DDX4: variants seen among roughly 807,000 people sequenced by gnomAD.
DDX4 encodes the protein DEAD-box helicase 4.
Under a neutral mutation model 100.0 loss-of-function variants are expected in DDX4, and 25 were observed. That is an observed-to-expected ratio of 0.25 (90% CI 0.18 to 0.35). The LOEUF is 0.35. Ranked by LOEUF, DDX4 falls within the 10% of genes least tolerant of loss-of-function variation. The probability of loss-of-function intolerance (pLI) is 1.00; values close to 1 mark genes in which losing one functional copy is unlikely to be tolerated. For missense variants in DDX4, 635 were observed against 882.4 expected (o/e 0.72, Z 3.55); for synonymous variants, 259 against 275.7 (o/e 0.94, Z 0.60).
intron 2 of DDX4, among the ~76,000 whole-genome samples, chr5:55,740,250 G>A (rs111944699): frequency 0.047 from 7,132 of 151,534 alleles, 351 homozygotes; most frequent in Admixed American, 0.15. Context: ...GCTCACTGCA[G>A]CCTCTGCCTT....
chr5:55,749,797 G>C (rs1363849873), intron 3 of DDX4, among the ~76,000 whole-genome samples: 5 of 143,790 alleles, frequency 3.5e-5, no homozygotes, highest in Non-Finnish European at 7.5e-5. Flanking sequence ...CAATTCTTTT[G>C]TATGTGTGTG....
chr5:55,741,323 C>T (rs951381734), intron 2 of DDX4, among the ~76,000 whole-genome samples: 1 of 152,142 alleles, frequency 6.6e-6, no homozygotes, highest in African/African-American at 2.4e-5. Context: ...GACCAGTCTA[C>T]CTTATGATGC....
intron 18 of DDX4, among the ~76,000 whole-genome samples, chr5:55,808,770 C>T (rs568148679): frequency 5.6e-4 from 86 of 152,314 alleles, no homozygotes; most frequent in Non-Finnish European, 1.0e-3. Flanking sequence ...GTCAGGGACC[C>T]GCTTGAGGAG....
chr5:55,783,754 A>C (rs1314680709), intron 10 of DDX4, among the ~76,000 whole-genome samples: 1 of 151,992 alleles, frequency 6.6e-6, no homozygotes, highest in Non-Finnish European at 1.5e-5. Context: ...GGAGCCTGAG[A>C]AAGTCCTATG....
chr5:55,742,130 G>A (rs970240640), intron 2 of DDX4: 10 of 455,904 alleles, frequency 2.2e-5, no homozygotes, highest in South Asian at 3.1e-5. Flanking sequence ...ATAGAACAGC[G>A]AAAGATGTGA....
chr5:55,772,537 T>A (rs950982647), intron 7 of DDX4, among the ~76,000 whole-genome samples: 3 of 152,146 alleles, frequency 2.0e-5, no homozygotes, highest in African/African-American at 7.2e-5. Context: ...AGTGCTATGG[T>A]TTGGATGTTT....
chr5:55,807,620 T>C (rs901379685), intron 18 of DDX4, among the ~76,000 whole-genome samples: 6 of 152,214 alleles, frequency 3.9e-5, no homozygotes, highest in Non-Finnish European at 7.3e-5. Context: ...GGGTTGCAGA[T>C]TCTTTTCTTT....
chr5:55,759,726 T>C (rs917337171), intron 3 of DDX4, among the ~76,000 whole-genome samples: 1 of 152,218 alleles, frequency 6.6e-6, no homozygotes, highest in Non-Finnish European at 1.5e-5. Context: ...CATGTGATTA[T>C]ATCCAGAGGA....
intron 18 of DDX4, among the ~76,000 whole-genome samples, chr5:55,811,104 T>A (rs1744104121): frequency 6.6e-6 from 1 of 151,930 alleles, no homozygotes; most frequent in Non-Finnish European, 1.5e-5. Flanking sequence ...AAAGAATAAC[T>A]TTTTATCCAG....
intron 7 of DDX4, chr5:55,773,178 G>A (rs530870864): frequency 1.3e-5 from 2 of 152,624 alleles, no homozygotes; most frequent in South Asian, 4.0e-4. Context: ...TTCTCTCTGT[G>A]TCCTCACATG....
chr5:55,789,962 A>T (rs1408301475), intron 15 of DDX4, among the ~76,000 whole-genome samples: 5 of 152,052 alleles, frequency 3.3e-5, no homozygotes, highest in African/African-American at 1.2e-4. Flanking sequence ...AAACATGTGG[A>T]TTGCTTATTT....
chr5:55,774,420 C>G (rs550992251), intron 7 of DDX4, among the ~76,000 whole-genome samples: 13 of 152,232 alleles, frequency 8.5e-5, no homozygotes, highest in African/African-American at 3.1e-4. Context: ...CCAAAGTGCT[C>G]GGATTACAGG....
At chr5:55,742,208 G>A (rs926228144) in intron 2 of DDX4, 7 of 456,278 alleles carry the variant, frequency 1.5e-5, no homozygotes, top group African/African-American at 2.0e-5. Flanking sequence ...GCATTTGCAC[G>A]TTGCCTGCAG....
intron 7 of DDX4, 53 bp downstream of exon 7, chr5:55,767,993 G>A (rs114582735): frequency 0.021 from 32,050 of 1,495,830 alleles, 490 homozygotes; most frequent in South Asian, 0.054. Context: ...CACTAAACTG[G>A]TAAAACTGAT....
In DDX4 at chr5:55,762,968, G is replaced by A. The variant is rs141826358; in HGVS notation, c.206-207G>A. ...AACTAGTAGAAAGCTGTGTTTCACCGGTAGTAGATTTGTTTTTACCTTGGT... is the reference window on the plus strand; with the variant it reads ...AACTAGTAGAAAGCTGTGTTTCACCAGTAGTAGATTTGTTTTTACCTTGGT... On this transcript the variant is annotated intron_variant, in intron 4 of 21. Coordinates refer to ENST00000505374, the MANE Select transcript of DDX4 (RefSeq NM_024415.3). Among the ~76,000 whole-genome samples the A allele has an allele frequency of 1.9e-3, 287 of 152,044 alleles. 1 individual carries two copies. The highest frequency in any genetic ancestry group is 0.01 in the Middle Eastern group (3 of 292).
intron 18 of DDX4, among the ~76,000 whole-genome samples, chr5:55,800,506 A>G (rs980234401): frequency 5.3e-5 from 8 of 151,984 alleles, no homozygotes; most frequent in Non-Finnish European, 1.2e-4. Context: ...TTGTATTTTT[A>G]GTAAAGACAG....
At chr5:55,814,784 C>G (rs1744299004) in intron 19 of DDX4, 117 bp from the exon 20 acceptor site, 2 of 1,197,766 alleles carry the variant, frequency 1.7e-6, no homozygotes, top group Non-Finnish European at 2.3e-6. Context: ...GCCACTGCGC[C>G]CAGCCAAATG....
chr5:55,779,413 T>C (rs776587338), intron 7 of DDX4, among the ~76,000 whole-genome samples: 1 of 152,188 alleles, frequency 6.6e-6, no homozygotes, highest in Non-Finnish European at 1.5e-5. Context: ...GCACTTTGGT[T>C]TTGCATTAAT....
intron 7 of DDX4, among the ~76,000 whole-genome samples, chr5:55,768,821 C>A (rs1741089025): frequency 1.3e-5 from 2 of 152,120 alleles, no homozygotes; most frequent in African/African-American, 4.8e-5. Context: ...AATAACCATT[C>A]TGACTGGTGT....
Sources: gnomAD v4.1 joint callset for allele counts (sites outside exome capture counted in the v4.1 genomes callset) on GRCh38, gnomAD v4.1.1 for gene constraint, MANE v1.5 for transcripts, NCBI Gene and HGNC (gene_info 2026-07-23, HGNC 2026-07-21) for gene names.